The following PIK3C2B variants were observed in gnomAD, a reference collection of about 807,000 sequenced individuals.
The protein encoded by PIK3C2B is phosphatidylinositol-4-phosphate 3-kinase catalytic subunit type 2 beta, also known as phosphatidylinositol 4-phosphate 3-kinase C2 domain-containing subunit beta.
PIK3C2B carries 83 observed loss-of-function variants against 184.3 expected under a neutral mutation model. The observed-to-expected ratio is 0.45, with a 90% CI of 0.38 to 0.54. The LOEUF is 0.54. Among genes scored for constraint, PIK3C2B ranks in the 20% least tolerant of loss-of-function variants. The probability of loss-of-function intolerance (pLI) is 0.00; values close to 1 mark genes in which losing one functional copy is unlikely to be tolerated. For missense variants in PIK3C2B, 1,736 were observed against 2,113.5 expected, an observed-to-expected ratio of 0.82 and a Z score of 3.50; for synonymous variants, 779 against 837.6, an observed-to-expected ratio of 0.93 and a Z score of 1.21.
At chr1:204,482,226 GCTGCCCACTGGGCAGC>G (rs1349191127) in intron 1 of PIK3C2B, among the ~76,000 whole-genome samples, 43 of 151,840 alleles carry the variant, frequency 2.8e-4, no homozygotes, top group African/African-American at 1.0e-3. Context: ...TCCCCACAAT[GCTGCCCACTGGGCAGC>G]CTGCCCCTTT....
chr1:204,436,320 A>C (rs1675340494), intron 23 of PIK3C2B, among the ~76,000 whole-genome samples: 1 of 152,166 alleles, frequency 6.6e-6, no homozygotes, highest in South Asian at 2.1e-4. Context: ...TCTTGAACCC[A>C]GGGGTTCAAG....
rs191097909 is a variant in PIK3C2B, at chr1:204,464,823, G to C, written c.1035-219C>G. Among the ~76,000 whole-genome samples the C allele has an allele frequency of 3.8e-3, 583 of 152,216 alleles. 5 individuals are homozygous for C. In the South Asian group the frequency reaches 0.04, roughly 11 times the overall value. On this transcript the variant is annotated intron_variant, in intron 3 of 32. Coordinates refer to ENST00000684373, the MANE Select transcript of PIK3C2B (RefSeq NM_001377334.1). ...TAATTGCAAAATGTTTCCCACCATT[G>C]AACAGTACAAATAGTTCTAAAATGA...
At chr1:204,429,359 T>C (rs148279314) in intron 29 of PIK3C2B, among the ~76,000 whole-genome samples, 2 of 152,358 alleles carry the variant, frequency 1.3e-5, no homozygotes, top group East Asian at 3.9e-4. Context: ...AAGGAACAGA[T>C]ATTTAAAGTT....
intron 1 of PIK3C2B, among the ~76,000 whole-genome samples, chr1:204,474,507 T>A (rs532751911): frequency 6.6e-6 from 1 of 152,346 alleles, no homozygotes; most frequent in African/African-American, 2.4e-5. Flanking sequence ...ACATTGCTGC[T>A]GTATTTGGCT....
chr1:204,459,782 C>G (rs1655172202), intron 8 of PIK3C2B, 96 bp downstream of exon 8: 1 of 1,048,036 alleles, frequency 9.5e-7, no homozygotes, highest in Non-Finnish European at 1.5e-6. Flanking sequence ...AGGCTCCACC[C>G]AGACCCCTCA....
chr1:204,442,484 A>C, intron 20 of PIK3C2B, 42 bp downstream of exon 20: 1 of 1,321,738 alleles, frequency 7.6e-7, no homozygotes, highest in Non-Finnish European at 1.1e-6. Flanking sequence ...ACCTCCACTG[A>C]GCCCTCCCAC....
intron 22 of PIK3C2B, 110 bp from the exon 23 acceptor site, chr1:204,439,181 T>C: frequency 9.4e-7 from 1 of 1,062,694 alleles, no homozygotes; most frequent in Middle Eastern, 2.1e-4. Context: ...CTGTAAGGCA[T>C]TTGGACTAAG....
chr1:204,449,354 A>C lies in PIK3C2B; in HGVS notation c.2235-58T>G, dbSNP rs12083672. 2.5e-3 allele frequency: 3,234 copies of C among 1,274,744 alleles called. 73 individuals carry two copies. The African/African-American group carries it at 0.043, about 17-fold the overall frequency. The allele number at this position is 1,274,744 out of a possible 1,614,324, so 79.0% of individuals were successfully genotyped here. On this transcript the variant is annotated intron_variant, in intron 13 of 32. Coordinates refer to ENST00000684373, the MANE Select transcript of PIK3C2B (RefSeq NM_001377334.1). ...AAGTGGCTAAGCAGAGAATATTTCT[A>C]CTGCTCCCCCAATCCAAAAATCTGC...
At chr1:204,491,906 C>T (rs1258531626) in intron 1 of PIK3C2B, among the ~76,000 whole-genome samples, 3 of 152,148 alleles carry the variant, frequency 2.0e-5, no homozygotes, top group African/African-American at 7.2e-5. Flanking sequence ...GGTGTTTATC[C>T]CTCCTCAATT....
At chr1:204,462,089 C>T (rs1655380465) in intron 5 of PIK3C2B, among the ~76,000 whole-genome samples, 2 of 152,154 alleles carry the variant, frequency 1.3e-5, no homozygotes, top group South Asian at 2.1e-4. Flanking sequence ...GCACACAGGT[C>T]CCCTGGGGAC....
At chr1:204,441,359 G>C in intron 21 of PIK3C2B, 112 bp downstream of exon 21, 1 of 644,644 alleles carries the variant, frequency 1.6e-6, no homozygotes, top group Non-Finnish European at 2.8e-6. Flanking sequence ...CCTACATTAA[G>C]ACAGCATGGA....
At chr1:204,484,733 C>CA (rs920039463) in intron 1 of PIK3C2B, among the ~76,000 whole-genome samples, 92 of 140,276 alleles carry the variant, frequency 6.6e-4, no homozygotes, top group Middle Eastern at 3.6e-3. Context: ...GACTCCGTCT[C>CA]AAAAAAAAAA....
rs149639608 is a variant in PIK3C2B at position 204,447,497 on chromosome 1, T to C, written c.2428A>G (p.Ser810Gly). Residue 810 changes from serine to glycine, a missense_variant, in exon 15 of 33, where the codon AGC becomes GGC. Ser to Gly is a moderately conservative substitution (Grantham distance 56). Coordinates refer to ENST00000684373, the MANE Select transcript of PIK3C2B (RefSeq NM_001377334.1). The surrounding 1 kb of genome is among the most constrained non-coding windows in gnomAD (Gnocchi z 4.1). ...TTGCGCTGGTCTTCTTCCCGGAGGC[T>C]GCCAAACTCATAGCGGGGGCTGAAC... Reference protein sequence around the residue: ...DKFSPRYEFGSLREEDQRKLK... With the variant: ...DKFSPRYEFGGLREEDQRKLK... 85 of 1,612,496 alleles carry C rather than the reference T, an allele frequency of 5.3e-5. No homozygotes were observed. In the African/African-American group the frequency reaches 1.1e-3, roughly 21 times the overall value.
chr1:204,441,422 CCTT>C (rs1675654665), intron 21 of PIK3C2B, 46 bp downstream of exon 21: 1 of 1,264,876 alleles, frequency 7.9e-7, no homozygotes, highest in Non-Finnish European at 1.2e-6. Context: ...TAGGCTGCCT[CCTT>C]CTCTCTCCCA....
intron 26 of PIK3C2B, among the ~76,000 whole-genome samples, chr1:204,432,625 C>T (rs1377748637): frequency 2.0e-5 from 3 of 152,142 alleles, no homozygotes; most frequent in Admixed American, 6.5e-5. Context: ...TGGCTGCCCA[C>T]CTGAGCCAAA....
In PIK3C2B at chr1:204,433,785, C is replaced by T. The variant is rs753960587; in HGVS notation, c.3843+8G>A. 1 of 1,598,516 alleles carries T rather than the reference C, an allele frequency of 6.3e-7. No homozygotes were observed. Among genetic ancestry groups the T allele is most frequent in the Non-Finnish European group, 8.6e-7 (1 of 1,166,340 alleles). On this transcript the variant is annotated splice_region_variant and intron_variant, in intron 25 of 32. Coordinates refer to ENST00000684373, the MANE Select transcript of PIK3C2B (RefSeq NM_001377334.1). This position sits in a 1 kb window ranked among gnomAD's most constrained non-coding sequence, Gnocchi z 5.0. ...AGAAGGTATTCGGAAAGGGATGGAG[C>T]TCCTCACCAGGCCCAGAAGGTTGAG...
chr1:204,468,996 G>T lies in PIK3C2B; in HGVS notation c.807C>A (p.Thr269=), dbSNP rs767925538. Residue 269 remains threonine, a synonymous_variant, in exon 2 of 33, where the codon ACC becomes ACA. Coordinates refer to ENST00000684373, the MANE Select transcript of PIK3C2B (RefSeq NM_001377334.1). ...TGCTCCTGGCCACGGGTTTTCCAGAGGTGTCTTTGCTGAAGTCCAGCGGCC... is the reference window on the plus strand; with the variant it reads ...TGCTCCTGGCCACGGGTTTTCCAGATGTGTCTTTGCTGAAGTCCAGCGGCC... ...GRGPLDFSKD[T]SGKPVARSKT... 1.5e-5 allele frequency: 25 copies of T among 1,614,224 alleles called. No individual in the cohort carries two copies. The South Asian group carries it at 2.6e-4, about 17-fold the overall frequency.
At chr1:204,458,638 C>T (rs533873039) in intron 8 of PIK3C2B, among the ~76,000 whole-genome samples, 5 of 151,984 alleles carry the variant, frequency 3.3e-5, no homozygotes, top group African/African-American at 7.2e-5. Context: ...GGATTACAGG[C>T]GCCTGCAACC....
intron 2 of PIK3C2B, chr1:204,467,251 G>A (rs1035278303): frequency 4.0e-6 from 1 of 253,094 alleles, no homozygotes; most frequent in African/African-American, 2.2e-5. Flanking sequence ...GAGGAACTCA[G>A]AGCTGGGAAC....
Sources: allele counts gnomAD v4.1 joint callset (sites outside exome capture counted in the v4.1 genomes callset), GRCh38; gene constraint gnomAD v4.1.1; non-coding constraint Gnocchi (gnomAD v3.1); transcripts MANE v1.5; gene names NCBI Gene and HGNC (gene_info 2026-07-23, HGNC 2026-07-21).